The following COQ5 variants were observed in gnomAD, a reference collection of about 807,000 sequenced individuals.
COQ5 encodes 2-methoxy-6-polyprenyl-1,4-benzoquinol methylase, mitochondrial.
Under a neutral mutation model 40.5 loss-of-function variants are expected in COQ5, and 27 were observed. The observed-to-expected ratio is 0.67, with a 90% CI of 0.49 to 0.92. COQ5 has a LOEUF of 0.92. COQ5 is among the 40% of genes least tolerant of loss of function. The pLI, the probability that COQ5 is intolerant of heterozygous loss-of-function variation, is 0.00. For synonymous variants in COQ5, 141 were observed against 150.0 expected (o/e 0.94, Z 0.44); for missense variants, 409 against 406.4 (o/e 1.01, Z -0.06).
chr12:120,511,999 C>A (rs1010908043), intron 3 of COQ5, among the ~76,000 whole-genome samples: 1 of 151,856 alleles, frequency 6.6e-6, no homozygotes, highest in African/African-American at 2.4e-5. Context: ...ATCATGAGGT[C>A]AGGAGTTCAA....
At chr12:120,517,977 T>C (rs1005330943) in intron 2 of COQ5, among the ~76,000 whole-genome samples, 1 of 151,940 alleles carries the variant, frequency 6.6e-6, no homozygotes, top group African/African-American at 2.4e-5. Flanking sequence ...CTGGCTAATT[T>C]TGTATTTTTA....
At chr12:120,507,034 A>G (rs1284841049) in intron 4 of COQ5, among the ~76,000 whole-genome samples, 1 of 152,014 alleles carries the variant, frequency 6.6e-6, no homozygotes, top group Non-Finnish European at 1.5e-5. Flanking sequence ...GGGTTTCACC[A>G]TGTTGGCCAG....
intron 3 of COQ5, among the ~76,000 whole-genome samples, chr12:120,512,071 G>A (rs1238209799): frequency 2.0e-5 from 3 of 152,020 alleles, no homozygotes; most frequent in Admixed American, 6.6e-5. Context: ...TTAGCCAGAC[G>A]TGGTGGTGGG....
Position 120,504,092 on chromosome 12 carries a change from A to C in COQ5, c.771-11T>G. The C allele has an allele frequency of 6.7e-7, 1 of 1,484,640 alleles. No homozygotes were observed. The highest frequency in any genetic ancestry group is 1.8e-4 in the Middle Eastern group (1 of 5,622). The allele number at this position is 1,484,640 out of a possible 1,614,324, so 92.0% of individuals were successfully genotyped here. ...TATAGATCATAAAGCCTAGGCAAAC[A>C]AAAAGGTAAAAGATGAAGATTAGAA... is the stretch of plus-strand genomic sequence containing the variant. On this transcript the variant is annotated splice_polypyrimidine_tract_variant and intron_variant, in intron 5 of 6. Coordinates refer to ENST00000288532, the MANE Select transcript of COQ5 (RefSeq NM_032314.4).
chr12:120,503,446 C>A lies in COQ5; in HGVS notation c.*338G>T. ...AATGATCTATCATCCCTCTAGAAGG[C>A]AGCACCAGCAGAGAAGCTATAAATA... On this transcript the variant is annotated 3_prime_UTR_variant, in exon 7 of 7. Coordinates refer to ENST00000288532, the MANE Select transcript of COQ5 (RefSeq NM_032314.4). 1 of 432,236 alleles carries A rather than the reference C, an allele frequency of 2.3e-6. No homozygotes were observed. Among genetic ancestry groups the A allele is most frequent in the South Asian group, 1.8e-5 (1 of 56,406 alleles). The allele number at this position is 432,236 out of a possible 1,614,324, so 26.8% of individuals were successfully genotyped here.
intron 3 of COQ5, among the ~76,000 whole-genome samples, chr12:120,511,201 G>A (rs188242855): frequency 2.2e-4 from 33 of 150,882 alleles, no homozygotes; most frequent in African/African-American, 8.0e-4. Context: ...AGGTTGCAGT[G>A]AGCTGAGATC....
Position 120,529,128 on chromosome 12 carries a change from CCG to C in COQ5, c.12_13del (p.Gly5GlufsTer26). 1 of 1,613,574 alleles carries C rather than the reference CCG, an allele frequency of 6.2e-7. No homozygotes were observed. The highest frequency in any genetic ancestry group is 8.5e-7 in the Non-Finnish European group (1 of 1,179,770). ...GCAATAGCTCCATAGAGCACAGCTC[CCG>C]GGGGCCGCCATCTTGGTAGTCGAGT... On this transcript the variant is annotated frameshift_variant, in exon 1 of 7. Transcript: ENST00000288532. LOFTEE classifies it high-confidence loss of function.
rs1870093944 is a variant in COQ5, at chr12:120,528,963, GAC to G, written c.177_178del (p.Ser60GlyfsTer13). 3.1e-6 allele frequency: 5 copies of G among 1,613,844 alleles called. No individual in the cohort carries two copies. Among genetic ancestry groups the G allele is most frequent in the Non-Finnish European group, 4.2e-6 (5 of 1,179,996 alleles). On this transcript the variant is annotated frameshift_variant, in exon 1 of 7. Transcript: ENST00000288532. LOFTEE classifies it high-confidence loss of function. The stretch of plus-strand genomic sequence containing the variant: ...ACCTTTGCCCCCCTTCTCCTCTTCC[GAC>G]ACAGTCTCAAACCCAAAGTGCGTTT...
At chr12:120,528,833 GACA>G in intron 1 of COQ5, 104 bp downstream of exon 1, 1 of 1,059,554 alleles carries the variant, frequency 9.4e-7, no homozygotes, top group East Asian at 2.4e-5. Context: ...TAACTGCACA[GACA>G]ACAACACTGG....
intron 1 of COQ5, chr12:120,526,996 T>C (rs1215854283): frequency 1.3e-5 from 2 of 152,140 alleles, no homozygotes; most frequent in African/African-American, 4.8e-5. Flanking sequence ...ATTACAGGCG[T>C]GAGCCACTGC....
intron 2 of COQ5, among the ~76,000 whole-genome samples, chr12:120,521,950 T>C (rs1414135409): frequency 3.3e-5 from 5 of 151,910 alleles, no homozygotes; most frequent in Admixed American, 2.0e-4. Context: ...TGAGCTGAGA[T>C]TGAGACACTG....
intron 4 of COQ5, among the ~76,000 whole-genome samples, chr12:120,505,644 C>T (rs2137077495): frequency 6.6e-6 from 1 of 151,916 alleles, no homozygotes; most frequent in East Asian, 1.9e-4. Flanking sequence ...ACAACCTCCA[C>T]CTCTCAGGTT....
Position 120,510,014 on chromosome 12 carries a change from T to C in COQ5, c.681+3A>G. 1.9e-6 allele frequency: 3 copies of C among 1,609,560 alleles called. No homozygotes were observed. The highest frequency in any genetic ancestry group is 1.1e-5 in the South Asian group (1 of 90,982). On this transcript the variant is annotated splice_donor_region_variant and intron_variant, in intron 4 of 6. Coordinates refer to ENST00000288532, the MANE Select transcript of COQ5 (RefSeq NM_032314.4). ...TACAAGCTGAGGATGCAGCCATTCATACCTGATCAATGTGTGTGACATTCC... is the reference window on the plus strand; with the variant it reads ...TACAAGCTGAGGATGCAGCCATTCACACCTGATCAATGTGTGTGACATTCC...
At chr12:120,525,357 A>G (rs1266026120) in intron 1 of COQ5, among the ~76,000 whole-genome samples, 2 of 151,970 alleles carry the variant, frequency 1.3e-5, no homozygotes, top group East Asian at 3.9e-4. Context: ...TCAGCCTCCC[A>G]AAGTACTGGG....
chr12:120,503,639 T>G lies in COQ5; in HGVS notation c.*145A>C, dbSNP rs1373334404. On this transcript the variant is annotated 3_prime_UTR_variant, in exon 7 of 7. Coordinates refer to ENST00000288532, the MANE Select transcript of COQ5 (RefSeq NM_032314.4). Reference sequence around the variant, plus strand: ...AAGTGACAAGAATTTGTTCTTCCACTTTGAGACTGTTCGATTCAAACATGA... The same window carrying G: ...AAGTGACAAGAATTTGTTCTTCCACGTTGAGACTGTTCGATTCAAACATGA... The G allele has an allele frequency of 2.8e-6, 2 of 722,292 alleles. No homozygotes were observed. Among genetic ancestry groups the G allele is most frequent in the Non-Finnish European group, 5.0e-6 (2 of 398,400 alleles). The allele number at this position is 722,292 out of a possible 1,614,324, so 44.7% of individuals were successfully genotyped here. A position where few individuals can be genotyped will look rare whatever the true frequency, so the allele number is the denominator to read the frequency against.
intron 3 of COQ5, among the ~76,000 whole-genome samples, chr12:120,512,858 G>A (rs1026218498): frequency 8.6e-5 from 13 of 151,806 alleles, no homozygotes; most frequent in African/African-American, 2.4e-4. Flanking sequence ...AAGAGTTTGA[G>A]AGTAGCCTGG....
intron 2 of COQ5, among the ~76,000 whole-genome samples, chr12:120,520,035 G>A (rs1869568380): frequency 6.6e-6 from 1 of 151,918 alleles, no homozygotes; most frequent in Non-Finnish European, 1.5e-5. Flanking sequence ...TATGTTTCAA[G>A]TATAGAGATT....
intron 1 of COQ5, chr12:120,526,830 T>G (rs1316924457): frequency 5.9e-6 from 1 of 169,526 alleles, no homozygotes; most frequent in East Asian, 1.9e-4. Context: ...TTCTCCTGCC[T>G]CAGCCTCCGG....
At chr12:120,508,483 C>T (rs1868982063) in intron 4 of COQ5, among the ~76,000 whole-genome samples, 1 of 152,078 alleles carries the variant, frequency 6.6e-6, no homozygotes, top group South Asian at 2.1e-4. Flanking sequence ...AACAAATGAT[C>T]GAATCCATGC....
Sources: allele counts gnomAD v4.1 joint callset (sites outside exome capture counted in the v4.1 genomes callset), GRCh38; gene constraint gnomAD v4.1.1; transcripts MANE v1.5; gene names NCBI Gene and HGNC (gene_info 2026-07-23, HGNC 2026-07-21).